The following NEDD4 variants were observed in gnomAD, a reference collection of about 807,000 sequenced individuals.
The protein encoded by NEDD4 is NEDD4 E3 ubiquitin protein ligase.
In NEDD4, 99 loss-of-function variants were observed where a neutral mutation model predicts 144.9. That is an observed-to-expected ratio of 0.68 (90% confidence interval 0.58 to 0.81). The LOEUF (loss-of-function observed/expected upper bound fraction) is 0.81. Among genes scored for constraint, NEDD4 ranks in the 30% least tolerant of loss-of-function variants. NEDD4 has a pLI of 0.00. For synonymous variants in NEDD4, 318 were observed against 350.6 expected (o/e 0.91, Z 1.04); for missense variants, 985 against 1,065.9 (o/e 0.92, Z 1.06).
intron 12 of NEDD4, among the ~76,000 whole-genome samples, chr15:55,853,698 C>A (rs190719378): frequency 2.6e-5 from 4 of 152,064 alleles, no homozygotes; most frequent in South Asian, 4.2e-4. Context: ...TAAAATAGTC[C>A]TAAATCCAGG....
chr15:55,943,137 T>G (rs2037038954), intron 4 of NEDD4, among the ~76,000 whole-genome samples: 2 of 152,204 alleles, frequency 1.3e-5, no homozygotes, highest in South Asian at 4.1e-4. Context: ...AACCATATGC[T>G]TATATGCATT....
chr15:55,906,127 A>G, intron 5 of NEDD4, among the ~76,000 whole-genome samples: 1 of 152,126 alleles, frequency 6.6e-6, no homozygotes, highest in Non-Finnish European at 1.5e-5. Flanking sequence ...AAAAGTCAGG[A>G]AACAACAGGT....
At chr15:55,917,557 T>C (rs2036486560) in intron 5 of NEDD4, among the ~76,000 whole-genome samples, 1 of 152,044 alleles carries the variant, frequency 6.6e-6, no homozygotes, top group Non-Finnish European at 1.5e-5. Context: ...CTACATCAAA[T>C]AGATACATAT....
intron 27 of NEDD4, among the ~76,000 whole-genome samples, chr15:55,832,117 A>G (rs1313559648): frequency 2.0e-5 from 3 of 151,538 alleles, no homozygotes; most frequent in African/African-American, 4.8e-5. Flanking sequence ...TAGTCTTCCC[A>G]GTCCTGCTGC....
chr15:55,911,613 T>C (rs2036277152), intron 5 of NEDD4, among the ~76,000 whole-genome samples: 1 of 151,738 alleles, frequency 6.6e-6, no homozygotes, highest in Non-Finnish European at 1.5e-5. Flanking sequence ...CACTGCAAGC[T>C]CTGCCTCCCG....
At chr15:55,962,609 A>G (rs931124871) in intron 2 of NEDD4, among the ~76,000 whole-genome samples, 3 of 151,352 alleles carry the variant, frequency 2.0e-5, no homozygotes, top group Non-Finnish European at 2.9e-5. Context: ...ACACACAGCT[A>G]ATTTTTGTAT....
At chr15:55,933,470 A>T (rs1245111007) in intron 4 of NEDD4, among the ~76,000 whole-genome samples, 6 of 143,890 alleles carry the variant, frequency 4.2e-5, no homozygotes, top group African/African-American at 1.3e-4. Flanking sequence ...ACAGGTGGGA[A>T]TTGAATAATG....
chr15:55,938,639 G>A (rs1239423095), intron 4 of NEDD4, among the ~76,000 whole-genome samples: 1 of 151,900 alleles, frequency 6.6e-6, no homozygotes, highest in African/African-American at 2.4e-5. Context: ...AAAGCTATAT[G>A]ACAAAAGAAA....
At position 55,841,915 on chromosome 15, in the gene NEDD4, T is replaced by A; in HGVS notation, c.1838+19A>T. ...GTGATTTTTCTTTTTCTGCCGATAA[T>A]CATTGTAAAGGTACTTACGTAGCAG... On this transcript the variant is annotated intron_variant, in intron 19 of 28. Coordinates refer to ENST00000435532, the MANE Select transcript of NEDD4 (RefSeq NM_006154.4). The A allele has an allele frequency of 1.3e-6, 2 of 1,583,922 alleles. No homozygotes were observed. The highest frequency in any genetic ancestry group is 1.7e-6 in the Non-Finnish European group (2 of 1,152,584).
chr15:55,866,232 A>T (rs929720313), intron 8 of NEDD4, among the ~76,000 whole-genome samples: 14 of 147,768 alleles, frequency 9.5e-5, no homozygotes, highest in South Asian at 4.3e-4. Flanking sequence ...TTTTTTTTTT[A>T]AATTTTTACC....
At chr15:55,866,636 G>T (rs771736063) in intron 8 of NEDD4, among the ~76,000 whole-genome samples, 15 of 152,176 alleles carry the variant, frequency 9.9e-5, no homozygotes, top group Admixed American at 3.9e-4. Context: ...GGTAGCAAAA[G>T]AATATTTCTT....
At chr15:55,837,298 C>T (rs999246256) in intron 24 of NEDD4, among the ~76,000 whole-genome samples, 3 of 151,780 alleles carry the variant, frequency 2.0e-5, no homozygotes, top group Admixed American at 6.6e-5. Flanking sequence ...GGCGTGGTGG[C>T]GGGCACCTGT....
chr15:55,863,288 TTTTG>T (rs1176499281), intron 8 of NEDD4, among the ~76,000 whole-genome samples: 1 of 152,176 alleles, frequency 6.6e-6, no homozygotes, highest in Non-Finnish European at 1.5e-5. Context: ...ACCATTTAAA[TTTTG>T]TTTAAAATTG....
At chr15:55,921,140 T>A (rs1414606244) in intron 5 of NEDD4, among the ~76,000 whole-genome samples, 1 of 152,186 alleles carries the variant, frequency 6.6e-6, no homozygotes, top group African/African-American at 2.4e-5. Context: ...CGTCATTGTC[T>A]CATTTTATCC....
At chr15:55,840,568 G>A (rs771200697) in intron 20 of NEDD4, 38 bp downstream of exon 20, 3 of 1,613,338 alleles carry the variant, frequency 1.9e-6, no homozygotes, top group Non-Finnish European at 2.5e-6. Context: ...AAAGAAAACA[G>A]GTAATTATAT....
At chr15:55,948,174 C>G (rs1299307029) in intron 4 of NEDD4, among the ~76,000 whole-genome samples, 1 of 152,086 alleles carries the variant, frequency 6.6e-6, no homozygotes, top group Non-Finnish European at 1.5e-5. Context: ...AACAGAGAGC[C>G]AAATCATGAG....
intron 5 of NEDD4, among the ~76,000 whole-genome samples, chr15:55,878,298 T>C (rs2035064292): frequency 6.6e-6 from 1 of 152,124 alleles, no homozygotes; most frequent in African/African-American, 2.4e-5. Flanking sequence ...AAAATATTAC[T>C]ATAAGTCAAT....
At chr15:55,886,650 C>T (rs944606826) in intron 5 of NEDD4, among the ~76,000 whole-genome samples, 50 of 151,152 alleles carry the variant, frequency 3.3e-4, no homozygotes, top group African/African-American at 1.0e-3. Flanking sequence ...CCCAGCTACT[C>T]GGGAGGCTGA....
At chr15:55,838,646 C>G in intron 21 of NEDD4, 42 bp from the exon 22 acceptor site, 1 of 1,407,082 alleles carries the variant, frequency 7.1e-7, no homozygotes, top group Non-Finnish European at 1.0e-6. Context: ...GTATCTATAA[C>G]ACACCTGAAA....
Sources: gnomAD v4.1 joint callset for allele counts (sites outside exome capture counted in the v4.1 genomes callset) on GRCh38, gnomAD v4.1.1 for gene constraint, MANE v1.5 for transcripts, NCBI Gene and HGNC (gene_info 2026-07-23, HGNC 2026-07-21) for gene names.